Variants in NCOR2 observed in about 807,000 individuals in gnomAD.
NCOR2 encodes CTG repeat protein 26.
A neutral mutation model predicts 262.9 loss-of-function variants in NCOR2; 81 were observed. The observed-to-expected ratio is 0.31, with a 90% CI of 0.26 to 0.37. The LOEUF is 0.37. Among genes scored for constraint, NCOR2 ranks in the 10% least tolerant of loss-of-function variants. NCOR2 has a pLI of 1.00. For missense variants in NCOR2, 3,385 were observed against 3,621.4 expected, an observed-to-expected ratio of 0.93 and a Z score of 1.68; for synonymous variants, 1,659 against 1,559.3, an observed-to-expected ratio of 1.06 and a Z score of -1.51.
chr12:124,392,423 C>T (rs78157037), intron 16 of NCOR2, among the ~76,000 whole-genome samples: 5,899 of 152,230 alleles, frequency 0.039, 384 homozygotes, highest in African/African-American at 0.13. Context: ...CCAGACCACA[C>T]GTGGTGACAG....
chr12:124,480,791 G>A (rs962255435), intron 3 of NCOR2, among the ~76,000 whole-genome samples: 10 of 141,110 alleles, frequency 7.1e-5, no homozygotes, highest in Non-Finnish European at 3.1e-5. Context: ...GGGCTCACAG[G>A]ACCCTGGACT....
intron 3 of NCOR2, among the ~76,000 whole-genome samples, chr12:124,475,448 G>A (rs1196647172): frequency 7.2e-5 from 11 of 152,214 alleles, no homozygotes; most frequent in Non-Finnish European, 5.9e-5. Context: ...GGCCACTGGG[G>A]CTGGATGCCA....
intron 31 of NCOR2, among the ~76,000 whole-genome samples, chr12:124,345,176 G>A (rs1051004192): frequency 6.6e-6 from 1 of 152,180 alleles, no homozygotes; most frequent in African/African-American, 2.4e-5. Flanking sequence ...GCTCCCTGGG[G>A]GGACTGCAGA....
intron 1 of NCOR2, among the ~76,000 whole-genome samples, chr12:124,487,058 G>A (rs1007902412): frequency 7.9e-5 from 12 of 152,342 alleles, no homozygotes; most frequent in African/African-American, 2.9e-4. Flanking sequence ...GCTGAAGCTT[G>A]GAAATGCAGG....
chr12:124,555,788 TG>T (rs2051864605), intron 1 of NCOR2: 1 of 152,166 alleles, frequency 6.6e-6, no homozygotes, highest in Non-Finnish European at 1.5e-5. Flanking sequence ...CACCCATCCA[TG>T]GGAACTCGGG....
At chr12:124,349,560 C>T (rs1481673299) in intron 28 of NCOR2, among the ~76,000 whole-genome samples, 1 of 152,132 alleles carries the variant, frequency 6.6e-6, no homozygotes, top group Non-Finnish European at 1.5e-5. Flanking sequence ...GAGCAGGCAC[C>T]ACAGTCCTCC....
intron 6 of NCOR2, among the ~76,000 whole-genome samples, chr12:124,452,940 C>G (rs1362032485): frequency 6.6e-6 from 1 of 152,154 alleles, no homozygotes; most frequent in Non-Finnish European, 1.5e-5. Flanking sequence ...GGGAGGCACT[C>G]ACCAGCCACT....
chr12:124,333,875 TGC>T (rs1566353338), intron 41 of NCOR2, among the ~76,000 whole-genome samples: 12 of 112,792 alleles, frequency 1.1e-4, no homozygotes, highest in Admixed American at 5.5e-4. Context: ...TGCGCATGTG[TGC>T]GGGTGTGCAT....
intron 1 of NCOR2, among the ~76,000 whole-genome samples, chr12:124,507,627 G>A (rs1217670824): frequency 1.3e-5 from 2 of 152,370 alleles, no homozygotes; most frequent in Middle Eastern, 3.4e-3. Flanking sequence ...GGAAGCGCCC[G>A]ATAAGCTGAG....
intron 1 of NCOR2, among the ~76,000 whole-genome samples, chr12:124,500,661 G>T (rs1186861325): frequency 6.6e-6 from 1 of 152,180 alleles, no homozygotes; most frequent in Non-Finnish European, 1.5e-5. Flanking sequence ...CCGGGCAGAG[G>T]CGCCTTTCCG....
chr12:124,560,915 A>C (rs1300556161), intron 1 of NCOR2, among the ~76,000 whole-genome samples: 1 of 152,256 alleles, frequency 6.6e-6, no homozygotes, highest in Non-Finnish European at 1.5e-5. Flanking sequence ...AAGAAGTATA[A>C]AAAGCAACAT....
Position 124,492,366 on chromosome 12 carries a change from C to T in NCOR2, c.105+2781G>A, listed in dbSNP as rs545413651. Among the ~76,000 whole-genome samples, 6 of 152,290 alleles carry T rather than the reference C, an allele frequency of 3.9e-5. No homozygotes were observed. The East Asian group carries it at 9.7e-4, about 25-fold the overall frequency. ...GGCCAATGCCACTCAGCAAGCTGAA[C>T]ACGGAGAGGGTTCGAAGCCACACTG... On this transcript the variant is annotated intron_variant, in intron 1 of 46. Transcript: ENST00000405201.
chr12:124,562,494 C>T (rs772243401), intron 1 of NCOR2, among the ~76,000 whole-genome samples: 3 of 152,216 alleles, frequency 2.0e-5, no homozygotes, highest in South Asian at 4.1e-4. Context: ...GAAGCTCAGC[C>T]CTCCCCCAGG....
intron 13 of NCOR2, among the ~76,000 whole-genome samples, chr12:124,415,363 C>T (rs375050245): frequency 5.3e-5 from 8 of 152,242 alleles, no homozygotes; most frequent in African/African-American, 1.7e-4. Flanking sequence ...GCTCAGCTGG[C>T]GGCAGTCACT....
chr12:124,441,941 G>A (rs2044834003), intron 7 of NCOR2, among the ~76,000 whole-genome samples: 1 of 152,184 alleles, frequency 6.6e-6, no homozygotes, highest in Non-Finnish European at 1.5e-5. Flanking sequence ...TGCTGGGGTG[G>A]TGAAAAACAA....
chr12:124,394,301 G>A (rs2041515924), intron 16 of NCOR2, among the ~76,000 whole-genome samples: 1 of 152,228 alleles, frequency 6.6e-6, no homozygotes, highest in Non-Finnish European at 1.5e-5. Context: ...GAAACAGATG[G>A]GCCAGGCCAA....
chr12:124,324,676 C>T (rs530556724), exon 47 of NCOR2: 1 of 152,648 alleles, frequency 6.6e-6, no homozygotes, highest in African/African-American at 2.4e-5. Flanking sequence ...TGGGTAAGTC[C>T]TTCCTTGCGT....
At chr12:124,325,388 C>CCCCCCCCCCCGGGGGGGG in exon 47 of NCOR2, 4 of 693,388 alleles carry the variant, frequency 5.8e-6, no homozygotes, top group Non-Finnish European at 8.0e-6. Context: ...CCCCCCCCCC[C>CCCCCCCCCCCGGGGGGGG]GCCCTGTTCT....
chr12:124,520,410 C>G (rs1342556600), intron 1 of NCOR2, among the ~76,000 whole-genome samples: 1 of 152,192 alleles, frequency 6.6e-6, no homozygotes, highest in Admixed American at 6.5e-5. Flanking sequence ...GCCTCACCAC[C>G]TCCTTCTGTT....
Sources: allele counts gnomAD v4.1 joint callset (sites outside exome capture counted in the v4.1 genomes callset), GRCh38; gene constraint gnomAD v4.1.1; transcripts MANE v1.5; gene names NCBI Gene and HGNC (gene_info 2026-07-23, HGNC 2026-07-21).